GRK5: variants seen among roughly 807,000 people sequenced by gnomAD.
GRK5 encodes G protein-coupled receptor kinase 5.
GRK5 carries 40 observed loss-of-function variants against 78.4 expected under a neutral mutation model. The observed-to-expected ratio is 0.51, with a 90% confidence interval of 0.40 to 0.66. GRK5 has a LOEUF of 0.66. Among genes scored for constraint, GRK5 ranks in the 30% least tolerant of loss-of-function variants. GRK5 has a pLI of 0.00. For synonymous variants in GRK5, 289 were observed against 296.8 expected (o/e 0.97, Z 0.27); for missense variants, 598 against 759.9 (o/e 0.79, Z 2.50).
chr10:119,278,198 C>T (rs1305096949), intron 1 of GRK5, among the ~76,000 whole-genome samples: 2 of 152,160 alleles, frequency 1.3e-5, no homozygotes, highest in Admixed American at 1.3e-4. Context: ...GTGGCCTCTC[C>T]CTTCCCGAGA....
At chr10:119,226,896 T>C (rs573133458) in intron 1 of GRK5, among the ~76,000 whole-genome samples, 1 of 152,150 alleles carries the variant, frequency 6.6e-6, no homozygotes, top group African/African-American at 2.4e-5. Context: ...TCTTGCTTTG[T>C]TGCCCAGGCT....
chr10:119,376,847 G>A (rs188047815), intron 2 of GRK5, among the ~76,000 whole-genome samples: 4 of 152,290 alleles, frequency 2.6e-5, no homozygotes, highest in East Asian at 1.9e-4. Context: ...GATTACAGGC[G>A]TAAGCCACCG....
chr10:119,387,324 C>T (rs975486246), intron 3 of GRK5, among the ~76,000 whole-genome samples: 2 of 152,152 alleles, frequency 1.3e-5, no homozygotes, highest in Admixed American at 1.3e-4. Flanking sequence ...TCTTAATGTC[C>T]ACATTTCTCA....
intron 2 of GRK5, among the ~76,000 whole-genome samples, chr10:119,351,490 C>G (rs571954255): frequency 6.6e-6 from 1 of 152,166 alleles, no homozygotes; most frequent in African/African-American, 2.4e-5. Context: ...CTCATTCTCT[C>G]TTGCCGGCCG....
At chr10:119,385,846 T>G (rs1344545890) in intron 3 of GRK5, among the ~76,000 whole-genome samples, 3 of 151,918 alleles carry the variant, frequency 2.0e-5, no homozygotes, top group Admixed American at 1.3e-4. Flanking sequence ...ATGAGAAAGA[T>G]CTGGGCTGGA....
intron 1 of GRK5, among the ~76,000 whole-genome samples, chr10:119,302,484 C>T (rs1192909039): frequency 1.3e-5 from 2 of 152,164 alleles, no homozygotes; most frequent in Non-Finnish European, 2.9e-5. Flanking sequence ...CCTCTAATCA[C>T]AAGAGCTGGT....
chr10:119,446,690 G>C (rs1322570928), intron 12 of GRK5, among the ~76,000 whole-genome samples: 2 of 152,170 alleles, frequency 1.3e-5, no homozygotes, highest in Non-Finnish European at 2.9e-5. Flanking sequence ...GTCCGTGGGG[G>C]CGTTAAGGGG....
chr10:119,214,980 T>C (rs1440338072), intron 1 of GRK5, among the ~76,000 whole-genome samples: 2 of 152,192 alleles, frequency 1.3e-5, no homozygotes, highest in Non-Finnish European at 2.9e-5. Context: ...CCTGGGCGGG[T>C]AGACGGGCTG....
At chr10:119,270,931 G>A (rs1254181666) in intron 1 of GRK5, among the ~76,000 whole-genome samples, 1 of 152,234 alleles carries the variant, frequency 6.6e-6, no homozygotes, top group Non-Finnish European at 1.5e-5. Flanking sequence ...TGGGCCCCTG[G>A]CGGAACACAA....
intron 3 of GRK5, among the ~76,000 whole-genome samples, chr10:119,396,130 C>T (rs1852048409): frequency 6.6e-6 from 1 of 152,214 alleles, no homozygotes; most frequent in Admixed American, 6.5e-5. Flanking sequence ...GGCCAGGCCC[C>T]AGGCCAAGAG....
At position 119,336,664 on chromosome 10, in the gene GRK5, C is replaced by A. The variant is rs554131638; in HGVS notation, c.148+10053C>A. On this transcript the variant is annotated intron_variant, in intron 2 of 15. Coordinates refer to ENST00000392870, the MANE Select transcript of GRK5 (RefSeq NM_005308.3). The surrounding 1 kb of genome is among the most constrained non-coding windows in gnomAD (Gnocchi z 4.5). ...GGTGACCCAGTCCCCTTCAGGCCTG[C>A]CTGGCTGGCACGTGAGCTCTTGATT... Among the ~76,000 whole-genome samples the A allele has an allele frequency of 6.6e-6, 1 of 152,302 alleles. No homozygotes were observed. The highest frequency in any genetic ancestry group is 2.4e-5 in the African/African-American group (1 of 41,576).
At chr10:119,315,856 C>T (rs139617277) in intron 1 of GRK5, among the ~76,000 whole-genome samples, 80 of 152,284 alleles carry the variant, frequency 5.3e-4, no homozygotes, top group African/African-American at 1.5e-3. Flanking sequence ...GCAGCTTCTC[C>T]GGTTTTCAGG....
At chr10:119,278,670 C>G (rs1307470975) in intron 1 of GRK5, among the ~76,000 whole-genome samples, 1 of 152,122 alleles carries the variant, frequency 6.6e-6, no homozygotes, top group Non-Finnish European at 1.5e-5. Context: ...ATTGCCCCTT[C>G]CTAGGTTCTG....
At chr10:119,306,386 T>C (rs139873008) in intron 1 of GRK5, among the ~76,000 whole-genome samples, 5 of 152,318 alleles carry the variant, frequency 3.3e-5, no homozygotes, top group African/African-American at 1.2e-4. Context: ...GTGCTTCAGC[T>C]TGGGGCGCAT....
At chr10:119,396,602 C>T (rs1852057498) in intron 3 of GRK5, 93 bp from the exon 4 acceptor site, 2 of 1,087,404 alleles carry the variant, frequency 1.8e-6, no homozygotes, top group African/African-American at 1.6e-5. Flanking sequence ...CAGGTGGCCT[C>T]TAGGGGATTT....
chr10:119,341,131 G>A (rs1850974220), intron 2 of GRK5, among the ~76,000 whole-genome samples: 1 of 151,950 alleles, frequency 6.6e-6, no homozygotes, highest in East Asian at 1.9e-4. Context: ...TGCCCCTCTC[G>A]CCCCATCTCC....
intron 2 of GRK5, chr10:119,333,306 G>C (rs1169279422): frequency 6.4e-6 from 1 of 155,208 alleles, no homozygotes; most frequent in South Asian, 2.0e-4. Flanking sequence ...TCACCATCTG[G>C]ATGAGGCAGC....
intron 1 of GRK5, among the ~76,000 whole-genome samples, chr10:119,297,317 G>A (rs1205878591): frequency 6.6e-6 from 1 of 152,226 alleles, no homozygotes. Flanking sequence ...TGTTAGTGCA[G>A]TTGTTCCCAT....
chr10:119,356,594 T>C (rs910254753), intron 2 of GRK5, among the ~76,000 whole-genome samples: 1 of 152,216 alleles, frequency 6.6e-6, no homozygotes, highest in Non-Finnish European at 1.5e-5. Flanking sequence ...GATTTCTATA[T>C]CCAGCATTAC....
Sources: allele counts gnomAD v4.1 joint callset (sites outside exome capture counted in the v4.1 genomes callset), GRCh38; gene constraint gnomAD v4.1.1; non-coding constraint Gnocchi (gnomAD v3.1); transcripts MANE v1.5; gene names NCBI Gene and HGNC (gene_info 2026-07-23, HGNC 2026-07-21).